The following SH2D3C variants were observed in gnomAD, a reference collection of about 807,000 sequenced individuals.
The protein encoded by SH2D3C is SH2 domain containing 3C, also known as SH2 domain-containing protein 3C.
SH2D3C carries 25 observed loss-of-function variants against 75.2 expected under a neutral mutation model. The observed-to-expected ratio is 0.33, with a 90% confidence interval of 0.24 to 0.46. SH2D3C has a LOEUF of 0.46. SH2D3C is among the 20% of genes least tolerant of loss of function. SH2D3C has a pLI of 1.00. For missense variants in SH2D3C, 933 were observed against 1,165.3 expected, an observed-to-expected ratio of 0.80 and a Z score of 2.90; for synonymous variants, 450 against 473.7, an observed-to-expected ratio of 0.95 and a Z score of 0.65.
rs1845143480 is a variant in SH2D3C, at chr9:127,749,754, G to A, written c.685-89C>T. 1 of 799,482 alleles carries A rather than the reference G, an allele frequency of 1.3e-6. No homozygotes were observed. Among genetic ancestry groups the A allele is most frequent in the Non-Finnish European group, 2.0e-6 (1 of 487,934 alleles). 49.5% of individuals were successfully genotyped at this position (799,482 alleles called of 1,614,324 possible). On this transcript the variant is annotated intron_variant, in intron 4 of 11. Transcript: ENST00000314830. This position sits in a 1 kb window ranked among gnomAD's most constrained non-coding sequence, Gnocchi z 5.9. ...GGGGACAGAGCAACCCAGGATTAGG[G>A]GGCACAGCAAGACCAGACCCAGGGC...
At chr9:127,760,647 C>T (rs1485575428) in intron 3 of SH2D3C, among the ~76,000 whole-genome samples, 1 of 152,008 alleles carries the variant, frequency 6.6e-6, no homozygotes, top group African/African-American at 2.4e-5. Context: ...GGGCAAGTCA[C>T]TGCACTTCTC....
intron 3 of SH2D3C, among the ~76,000 whole-genome samples, chr9:127,757,505 A>C (rs1049967723): frequency 6.6e-6 from 1 of 150,762 alleles, no homozygotes. Context: ...ATATCGGCTC[A>C]CTGCAGCCTC....
chr9:127,743,531 A>G, intron 7 of SH2D3C, among the ~76,000 whole-genome samples: 1 of 152,300 alleles, frequency 6.6e-6, no homozygotes, highest in East Asian at 1.9e-4. Context: ...AAATAAATAA[A>G]TATTCAGTTA....
At chr9:127,746,427 A>G (rs758146652) in intron 6 of SH2D3C, among the ~76,000 whole-genome samples, 1 of 152,196 alleles carries the variant, frequency 6.6e-6, no homozygotes, top group Non-Finnish European at 1.5e-5. Context: ...CTTTCTTCGT[A>G]TTTATAAGAA....
At chr9:127,769,035 A>C (rs72752829) in intron 2 of SH2D3C, among the ~76,000 whole-genome samples, 7 of 152,086 alleles carry the variant, frequency 4.6e-5, no homozygotes, top group Non-Finnish European at 1.0e-4. Flanking sequence ...GCTGATTTTA[A>C]ATTTTCTCGT....
chr9:127,774,331 C>T lies in SH2D3C; in HGVS notation c.174G>A (p.Val58=). 2 of 1,613,962 alleles carry T rather than the reference C, an allele frequency of 1.2e-6. No homozygotes were observed. The highest frequency in any genetic ancestry group is 1.1e-5 in the South Asian group (1 of 91,082). Residue 58 remains valine (V), a synonymous_variant, in exon 2 of 12, where the codon GTG becomes GTA. Transcript: ENST00000314830. This position sits in a 1 kb window ranked among gnomAD's most constrained non-coding sequence, Gnocchi z 4.3. ...DTFEATQDDM[V]TVPKSPPAYA... is the part of the protein sequence containing the mutation. ...AGGCTGGGGGACTCTTGGGCACCGT[C>T]ACCATGTCATCCTGCGTGGCTTCAA...
At chr9:127,771,295 G>A (rs533624698) in intron 2 of SH2D3C, 3 of 1,507,154 alleles carry the variant, frequency 2.0e-6, no homozygotes, top group East Asian at 2.6e-5. Flanking sequence ...TGCCTTTCTC[G>A]GGCCACTGAG....
chr9:127,761,425 G>A (rs1024674199), intron 3 of SH2D3C, among the ~76,000 whole-genome samples, 186 bp downstream of exon 3: 4 of 152,152 alleles, frequency 2.6e-5, no homozygotes, highest in African/African-American at 9.7e-5. Flanking sequence ...GGCTGGTGTA[G>A]GAAGAAGGTG....
intron 3 of SH2D3C, among the ~76,000 whole-genome samples, chr9:127,758,706 T>C (rs563152766): frequency 5.0e-4 from 76 of 152,342 alleles, no homozygotes; most frequent in African/African-American, 1.7e-3. Flanking sequence ...TAACTTTGTC[T>C]CCTTTCTAGC....
intron 2 of SH2D3C, among the ~76,000 whole-genome samples, chr9:127,770,451 G>A (rs887915665): frequency 6.6e-6 from 1 of 152,198 alleles, no homozygotes; most frequent in Non-Finnish European, 1.5e-5. Flanking sequence ...CTGGGCTACT[G>A]GGGAGACTAA....
Position 127,749,815 on chromosome 9 carries a change from G to A in SH2D3C, c.685-150C>T. ...CAATGAACAGAGACATCTGACATCT[G>A]AGAGCGGGGATGCAATGACCCAGGT... On this transcript the variant is annotated intron_variant, in intron 4 of 11. Transcript: ENST00000314830. This position sits in a 1 kb window ranked among gnomAD's most constrained non-coding sequence, Gnocchi z 5.9. The A allele has an allele frequency of 3.2e-6, 2 of 628,474 alleles. No homozygotes were observed. Among genetic ancestry groups the A allele is most frequent in the Non-Finnish European group, 5.7e-6 (2 of 352,366 alleles). The allele number at this position is 628,474 out of a possible 1,614,324, so 38.9% of individuals were successfully genotyped here.
At chr9:127,767,473 A>G in intron 2 of SH2D3C, 1 of 209,764 alleles carries the variant, frequency 4.8e-6, no homozygotes, top group Non-Finnish European at 8.3e-6. Flanking sequence ...TCCCCCAGAC[A>G]TTGGGAGCCA....
chr9:127,777,154 T>G (rs1829025437), intron 1 of SH2D3C, among the ~76,000 whole-genome samples: 1 of 151,852 alleles, frequency 6.6e-6, no homozygotes, highest in Non-Finnish European at 1.5e-5. Context: ...CATTGCCATC[T>G]GGGAAATGCA....
Position 127,761,586 on chromosome 9 carries a change from C to T in SH2D3C, c.555+25G>A, listed in dbSNP as rs569642408. On this transcript the variant is annotated intron_variant, in intron 3 of 11. Transcript: ENST00000314830. ...CTCTGAGACCTTCAGTGTCCTCTGA[C>T]CAACCCCTGGCCAGCCCCTCCTACC... is the stretch of plus-strand genomic sequence containing the variant. 3 of 1,591,782 alleles carry T rather than the reference C, an allele frequency of 1.9e-6. No homozygotes were observed. In the East Asian group the frequency reaches 6.7e-5, roughly 36 times the overall value.
rs1177930915 is a variant in SH2D3C, at chr9:127,754,175, G to T, written c.556-2875C>A. 6.6e-6 allele frequency among the ~76,000 whole-genome samples: 1 copy of T among 152,198 alleles called. No individual in the cohort carries two copies. Among genetic ancestry groups the T allele is most frequent in the African/African-American group, 2.4e-5 (1 of 41,460 alleles). ...CGGCGCCCTGCTATTGGCCAGAGAT[G>T]ATCTCACCGCCTCCCGGCCTGCGCG... On this transcript the variant is annotated intron_variant, in intron 3 of 11. Transcript: ENST00000314830. The surrounding 1 kb of genome is among the most constrained non-coding windows in gnomAD (Gnocchi z 4.4).
chr9:127,761,569 C>T, intron 3 of SH2D3C, 42 bp downstream of exon 3: 1 of 1,476,826 alleles, frequency 6.8e-7, no homozygotes, highest in Non-Finnish European at 9.4e-7. Flanking sequence ...GGCTCTGAGA[C>T]CTTCAGTGTC....
intron 8 of SH2D3C, among the ~76,000 whole-genome samples, chr9:127,742,488 C>G (rs1361639387): frequency 6.6e-6 from 1 of 152,208 alleles, no homozygotes; most frequent in Non-Finnish European, 1.5e-5. Context: ...TCGCCCGCCT[C>G]GGCCTCCCAA....
At chr9:127,741,241 C>CTTTTTTTTTT (rs71495658) in intron 9 of SH2D3C, among the ~76,000 whole-genome samples, 1 of 137,562 alleles carries the variant, frequency 7.3e-6, no homozygotes. Context: ...TCTTCTTATT[C>CTTTTTTTTTT]TTTTTTTTTT....
Position 127,774,458 on chromosome 9 carries a change from T to A in SH2D3C, c.47A>T (p.Lys16Met). The A allele has an allele frequency of 2.0e-6, 3 of 1,518,982 alleles. No homozygotes were observed. The highest frequency in any genetic ancestry group is 2.7e-6 in the Non-Finnish European group (3 of 1,093,926). 94.1% of individuals were successfully genotyped at this position (1,518,982 alleles called of 1,614,324 possible). ...GGAGAGACTCCCAAAGCCCTTGAAC[T>A]TGAAGAACTCTAGCAGAGGGGAAGG... ...KKTSKKFKFF[K>M]FKGFGSLSNL... The change falls in exon 2 of 12, where the codon AAG becomes ATG. Residue 16 changes from lysine to methionine, a missense_variant. Physicochemically the swap from Lys to Met is moderately conservative, Grantham distance 95. Transcript: ENST00000314830. This position sits in a 1 kb window ranked among gnomAD's most constrained non-coding sequence, Gnocchi z 4.3.
Sources: allele counts gnomAD v4.1 joint callset (sites outside exome capture counted in the v4.1 genomes callset), GRCh38; gene constraint gnomAD v4.1.1; non-coding constraint Gnocchi (gnomAD v3.1); transcripts MANE v1.5; gene names NCBI Gene and HGNC (gene_info 2026-07-23, HGNC 2026-07-21).